Variants in TEAD4 observed in about 807,000 individuals in gnomAD.
The protein encoded by TEAD4 is TEA domain transcription factor 4.
Under a neutral mutation model 52.4 loss-of-function variants are expected in TEAD4, and 36 were observed. The observed-to-expected ratio is 0.69, with a 90% CI of 0.53 to 0.91. The LOEUF (loss-of-function observed/expected upper bound fraction) is 0.91, where lower values mean the gene tolerates loss of function less well. Ranked by LOEUF, TEAD4 falls within the 40% of genes least tolerant of loss-of-function variation. TEAD4 has a pLI of 0.00. For synonymous variants in TEAD4, 220 were observed against 231.0 expected (o/e 0.95, Z 0.43); for missense variants, 508 against 583.9 (o/e 0.87, Z 1.34).
intron 3 of TEAD4, among the ~76,000 whole-genome samples, chr12:3,010,009 C>A (rs1478779115): frequency 2.0e-5 from 3 of 152,210 alleles, no homozygotes; most frequent in Non-Finnish European, 4.4e-5. Flanking sequence ...GCAAGCCCTC[C>A]CGGTTCCGCA....
chr12:2,985,745 C>T (rs766342053), intron 2 of TEAD4, among the ~76,000 whole-genome samples: 10 of 152,098 alleles, frequency 6.6e-5, no homozygotes, highest in East Asian at 2.0e-4. Flanking sequence ...ACCTCGTGAT[C>T]CACCTACCTC....
intron 11 of TEAD4, among the ~76,000 whole-genome samples, chr12:3,038,923 A>G (rs1236733240): frequency 1.3e-5 from 2 of 152,182 alleles, no homozygotes; most frequent in Non-Finnish European, 2.9e-5. Context: ...GGACTCTGAG[A>G]GTCCGGGGCC....
intron 3 of TEAD4, among the ~76,000 whole-genome samples, chr12:3,004,232 C>T (rs140103565): frequency 1.1e-3 from 162 of 152,350 alleles, no homozygotes; most frequent in African/African-American, 3.6e-3. Context: ...AGCATCGTCC[C>T]TTGCGGAGGA....
chr12:3,014,656 G>A (rs1285795536), intron 5 of TEAD4, among the ~76,000 whole-genome samples: 1 of 152,196 alleles, frequency 6.6e-6, no homozygotes, highest in Non-Finnish European at 1.5e-5. Context: ...TTCCTCATCT[G>A]TAAAGTGACA....
chr12:2,970,884 G>T (rs2098224430), intron 2 of TEAD4, among the ~76,000 whole-genome samples: 1 of 152,228 alleles, frequency 6.6e-6, no homozygotes, highest in Admixed American at 6.5e-5. Context: ...GAGAGGTGGG[G>T]TCACTTCCAG....
chr12:2,994,496 C>T lies in TEAD4; in HGVS notation c.-29-242C>T, dbSNP rs912263284. 6.6e-6 allele frequency among the ~76,000 whole-genome samples: 1 copy of T among 152,208 alleles called. No homozygotes were observed. The highest frequency in any genetic ancestry group is 2.4e-5 in the African/African-American group (1 of 41,452). Reference sequence around the variant, plus strand: ...TTGTCTCCTACTTTTCAGCCCTTGTCTGGGTTCCTTGATACCAGGGAGTGC... The same window carrying T: ...TTGTCTCCTACTTTTCAGCCCTTGTTTGGGTTCCTTGATACCAGGGAGTGC... On this transcript the variant is annotated intron_variant, in intron 2 of 12. Coordinates refer to ENST00000359864, the MANE Select transcript of TEAD4 (RefSeq NM_003213.4). This position sits in a 1 kb window ranked among gnomAD's most constrained non-coding sequence, Gnocchi z 4.7.
chr12:2,968,207 C>T (rs753129215), intron 2 of TEAD4, among the ~76,000 whole-genome samples: 1 of 151,030 alleles, frequency 6.6e-6, no homozygotes, highest in Non-Finnish European at 1.5e-5. Flanking sequence ...CTGCCACAGC[C>T]TCCTGAGTAG....
intron 8 of TEAD4, among the ~76,000 whole-genome samples, chr12:3,020,152 A>C (rs568525982): frequency 6.6e-6 from 1 of 152,160 alleles, no homozygotes; most frequent in Non-Finnish European, 1.5e-5. Context: ...CGCTGGATTG[A>C]GGGGCTCTTC....
Position 3,006,226 on chromosome 12 carries a change from C to T in TEAD4, c.227-4778C>T, listed in dbSNP as rs114812208. ...TCGAAACTTTTTGAGATGTGTGCCT[C>T]GAAGGAGATGCTCGTTGGACCGTTT... On this transcript the variant is annotated intron_variant, in intron 3 of 12. Transcript: ENST00000359864. 3.9e-3 allele frequency among the ~76,000 whole-genome samples: 590 copies of T among 152,152 alleles called. 2 individuals are homozygous for T. Among genetic ancestry groups the T allele is most frequent in the African/African-American group, 0.014 (568 of 41,504 alleles).
At chr12:3,009,258 C>G (rs1350266589) in intron 3 of TEAD4, among the ~76,000 whole-genome samples, 1 of 151,940 alleles carries the variant, frequency 6.6e-6, no homozygotes, top group African/African-American at 2.4e-5. Flanking sequence ...TGAAACTCTG[C>G]CTCTACTTAA....
chr12:3,026,973 A>G lies in TEAD4; in HGVS notation c.897+4956A>G, dbSNP rs544038753. Among the ~76,000 whole-genome samples, 9 of 152,138 alleles carry G rather than the reference A, an allele frequency of 5.9e-5. No homozygotes were observed. In the South Asian group the frequency reaches 1.9e-3, roughly 32 times the overall value. On this transcript the variant is annotated intron_variant, in intron 10 of 12. Transcript: ENST00000359864. The stretch of plus-strand genomic sequence containing the variant: ...GGTATGAAGTAAGTGTTACTTCTTA[A>G]GTTTTCTCCTGCTCCTAACCCTCCC...
At chr12:2,980,869 AAG>A (rs1448635547) in intron 2 of TEAD4, among the ~76,000 whole-genome samples, 1 of 152,182 alleles carries the variant, frequency 6.6e-6, no homozygotes, top group African/African-American at 2.4e-5. Flanking sequence ...ACTCCATCTC[AAG>A]AAAAAAGCAG....
At chr12:3,009,220 G>A (rs2098258276) in intron 3 of TEAD4, among the ~76,000 whole-genome samples, 1 of 152,226 alleles carries the variant, frequency 6.6e-6, no homozygotes, top group South Asian at 2.1e-4. Context: ...TTGAGGTCAG[G>A]AGTTCGAGAC....
intron 2 of TEAD4, among the ~76,000 whole-genome samples, chr12:2,978,407 G>T (rs12817996): frequency 0.23 from 32,991 of 145,844 alleles, 3,993 homozygotes; most frequent in East Asian, 0.44. Flanking sequence ...GTTTTTTTTT[G>T]TTTTGTTTTG....
Position 3,004,925 on chromosome 12 carries a change from C to T in TEAD4, c.227-6079C>T, listed in dbSNP as rs568705850. Among the ~76,000 whole-genome samples, 59 of 152,292 alleles carry T rather than the reference C, an allele frequency of 3.9e-4. 1 individual carries two copies. Among genetic ancestry groups the T allele is most frequent in the African/African-American group, 1.3e-3 (54 of 41,554 alleles). On this transcript the variant is annotated intron_variant, in intron 3 of 12. Transcript: ENST00000359864. ...CCCTTGGCTCACACACCCACAGACA[C>T]CCCACACTTCACTCCCTCACGGGGG... is the stretch of plus-strand genomic sequence containing the variant.
intron 3 of TEAD4, among the ~76,000 whole-genome samples, chr12:3,003,340 T>C (rs2098253185): frequency 6.6e-6 from 1 of 152,160 alleles, no homozygotes; most frequent in East Asian, 1.9e-4. Flanking sequence ...TGCTGAGTGG[T>C]GCGTGCTTTA....
Position 3,018,429 on chromosome 12 carries a change from C to T in TEAD4, c.484-116C>T, listed in dbSNP as rs148377799. 378 of 1,246,784 alleles carry T rather than the reference C, an allele frequency of 3.0e-4. No homozygotes were observed. The African/African-American group carries it at 4.6e-3, about 15-fold the overall frequency. The allele number at this position is 1,246,784 out of a possible 1,614,324, so 77.2% of individuals were successfully genotyped here. A position where few individuals can be genotyped will look rare whatever the true frequency, so the allele number is the denominator to read the frequency against. On this transcript the variant is annotated intron_variant, in intron 6 of 12. Coordinates refer to ENST00000359864, the MANE Select transcript of TEAD4 (RefSeq NM_003213.4). ...AGCATTCACTAGCTAGGCGAGGCCT[C>T]GGGCTCCAGCCTCTCCTCCCAGTGG...
chr12:3,017,124 A>G (rs540410202), intron 5 of TEAD4: 1 of 595,028 alleles, frequency 1.7e-6, no homozygotes, highest in South Asian at 1.5e-5. Flanking sequence ...GTGGCCCCGT[A>G]ATTAATAAAA....
At chr12:3,018,041 CA>C (rs1044026109) in intron 6 of TEAD4, among the ~76,000 whole-genome samples, 49 of 152,346 alleles carry the variant, frequency 3.2e-4, no homozygotes, top group African/African-American at 1.0e-3. Context: ...TGTCTCCTCA[CA>C]GGGGCTTTCT....
Sources: allele counts gnomAD v4.1 joint callset (sites outside exome capture counted in the v4.1 genomes callset), GRCh38; gene constraint gnomAD v4.1.1; non-coding constraint Gnocchi (gnomAD v3.1); transcripts MANE v1.5; gene names NCBI Gene and HGNC (gene_info 2026-07-23, HGNC 2026-07-21).